The following RNGTT variants were observed in gnomAD, a reference collection of about 807,000 sequenced individuals.
The protein encoded by RNGTT is mRNA-capping enzyme.
Under a neutral mutation model 79.3 loss-of-function variants are expected in RNGTT, and 33 were observed. That is an observed-to-expected ratio of 0.42 (90% CI 0.32 to 0.56). The LOEUF (loss-of-function observed/expected upper bound fraction) is 0.56, where lower values mean the gene tolerates loss of function less well. Ranked by LOEUF, RNGTT falls within the 20% of genes least tolerant of loss-of-function variation. The pLI is 0.17. For synonymous variants in RNGTT, 222 were observed against 235.9 expected (o/e 0.94, Z 0.54); for missense variants, 497 against 739.1 (o/e 0.67, Z 3.80).
intron 13 of RNGTT, among the ~76,000 whole-genome samples, chr6:88,687,774 A>C (rs1775332160): frequency 6.6e-6 from 1 of 152,202 alleles, no homozygotes; most frequent in South Asian, 2.1e-4. Flanking sequence ...AGGAAGGCTA[A>C]AACAGAAACT....
chr6:88,734,536 G>A (rs1019481553), intron 13 of RNGTT, among the ~76,000 whole-genome samples: 2 of 151,978 alleles, frequency 1.3e-5, no homozygotes, highest in African/African-American at 4.8e-5. Flanking sequence ...GACTGTCAGA[G>A]AAGATTTTTT....
At chr6:88,836,007 CACACACACACACACACAT>C (rs1207501864) in intron 11 of RNGTT, among the ~76,000 whole-genome samples, 26 of 121,694 alleles carry the variant, frequency 2.1e-4, no homozygotes, top group Middle Eastern at 4.2e-3. Context: ...CACACACACA[CACACACACACACACACAT>C]ATATATATAA....
intron 14 of RNGTT, among the ~76,000 whole-genome samples, chr6:88,660,012 CAAAAT>C (rs1487188020): frequency 6.6e-6 from 1 of 152,070 alleles, no homozygotes; most frequent in East Asian, 1.9e-4. Context: ...TCTCCTGAAA[CAAAAT>C]AACTGTCAGG....
At chr6:88,932,352 C>A (rs9359829) in intron 2 of RNGTT, among the ~76,000 whole-genome samples, 47,528 of 152,000 alleles carry the variant, frequency 0.31, 9,962 homozygotes, top group African/African-American at 0.6. Flanking sequence ...AGGGAACTTC[C>A]TTAGTAATTC....
chr6:88,792,288 A>G (rs1779448357), intron 12 of RNGTT, among the ~76,000 whole-genome samples: 1 of 152,206 alleles, frequency 6.6e-6, no homozygotes, highest in South Asian at 2.1e-4. Flanking sequence ...ACATCTGTCT[A>G]TAATCAACTC....
intron 12 of RNGTT, among the ~76,000 whole-genome samples, chr6:88,799,872 C>T (rs952056155): frequency 6.6e-6 from 1 of 152,052 alleles, no homozygotes; most frequent in Non-Finnish European, 1.5e-5. Flanking sequence ...CTGAAATTTT[C>T]TGAATTTATT....
chr6:88,652,652 C>G (rs561976759), intron 14 of RNGTT, among the ~76,000 whole-genome samples: 33 of 152,226 alleles, frequency 2.2e-4, no homozygotes, highest in Non-Finnish European at 3.7e-4. Context: ...TTTGTTAGTG[C>G]TCTTTGGGGT....
At chr6:88,913,215 A>AAAAC (rs1491501901) in intron 4 of RNGTT, among the ~76,000 whole-genome samples, 23 of 111,098 alleles carry the variant, frequency 2.1e-4, no homozygotes, top group African/African-American at 1.5e-3. Context: ...AAAAAAAAAC[A>AAAAC]AAAAAAAAAA....
At chr6:88,927,686 T>A (rs1784365466) in intron 4 of RNGTT, among the ~76,000 whole-genome samples, 6 of 147,994 alleles carry the variant, frequency 4.1e-5, no homozygotes, top group Admixed American at 1.3e-4. Flanking sequence ...ATACAAAAAT[T>A]AGCAGGGTGT....
In RNGTT at chr6:88,941,076, G is replaced by T. The variant is rs749372116; in HGVS notation, c.169C>A (p.Leu57Ile). ...PSMLSNYLKS[L>I]KVKMGLLVDL... ...AAATAAATTTTGTTTCTTACCTTTA[G>T]GCTCTTTAGGTAATTTGAGAGCATG... Residue 57 changes from leucine (L) to isoleucine (I), a missense_variant, in exon 2 of 16, where the codon CTA becomes ATA. Around this residue, in one of 3 missense-constraint regions of RNGTT, gnomAD observed 440 missense variants for 671.5 expected, o/e 0.66. Coordinates refer to ENST00000369485, the MANE Select transcript of RNGTT (RefSeq NM_003800.5). 1.3e-6 allele frequency: 2 copies of T among 1,593,828 alleles called. No individual in the cohort carries two copies. The highest frequency in any genetic ancestry group is 4.5e-5 in the East Asian group (2 of 44,694).
chr6:88,791,760 C>T (rs190558747), intron 12 of RNGTT, among the ~76,000 whole-genome samples: 183 of 152,070 alleles, frequency 1.2e-3, no homozygotes, highest in African/African-American at 3.9e-3. Flanking sequence ...AGGATGGTCT[C>T]GATCTCCTGA....
chr6:88,805,768 T>C (rs546392345), intron 11 of RNGTT, among the ~76,000 whole-genome samples: 2 of 152,250 alleles, frequency 1.3e-5, no homozygotes, highest in East Asian at 3.9e-4. Flanking sequence ...AAGAAACAGT[T>C]GTTTACATAT....
At chr6:88,643,042 T>C (rs1332932408) in intron 14 of RNGTT, among the ~76,000 whole-genome samples, 3 of 152,070 alleles carry the variant, frequency 2.0e-5, no homozygotes, top group East Asian at 1.9e-4. Flanking sequence ...CCACTGTAAG[T>C]TGAAAATATC....
intron 11 of RNGTT, among the ~76,000 whole-genome samples, chr6:88,840,515 GCCT>G (rs1478908128): frequency 6.6e-6 from 1 of 152,036 alleles, no homozygotes; most frequent in Non-Finnish European, 1.5e-5. Context: ...TTCCACCTCC[GCCT>G]CCTGAATAGC....
intron 4 of RNGTT, among the ~76,000 whole-genome samples, chr6:88,911,324 G>A (rs1299184314): frequency 1.3e-5 from 2 of 152,108 alleles, no homozygotes; most frequent in East Asian, 3.9e-4. Flanking sequence ...AAAAGAGCAG[G>A]GGTTGCTATT....
chr6:88,901,794 G>C (rs1298730603), intron 6 of RNGTT, among the ~76,000 whole-genome samples: 2 of 152,056 alleles, frequency 1.3e-5, no homozygotes, highest in East Asian at 3.8e-4. Context: ...ACTGCGCCCA[G>C]CTAACCACCC....
chr6:88,850,395 C>CA (rs1460646539), intron 9 of RNGTT, among the ~76,000 whole-genome samples: 2 of 150,478 alleles, frequency 1.3e-5, no homozygotes, highest in African/African-American at 2.4e-5. Flanking sequence ...ATTAAAAAGT[C>CA]AAAAAAAATG....
At chr6:88,642,351 A>T (rs1582268315) in intron 14 of RNGTT, among the ~76,000 whole-genome samples, 1 of 152,316 alleles carries the variant, frequency 6.6e-6, no homozygotes, top group East Asian at 1.9e-4. Flanking sequence ...ATGTTATATA[A>T]ATTACAGAAC....
In RNGTT at chr6:88,610,732, G is replaced by GTGTA. The variant is rs1771991338; in HGVS notation, c.*1983_*1986dup. On this transcript the variant is annotated 3_prime_UTR_variant, in exon 16 of 16. Coordinates refer to ENST00000369485, the MANE Select transcript of RNGTT (RefSeq NM_003800.5). ...ACAAAGACTTGAAGAAAATATCTGG[G>GTGTA]TGTATTAAAAGTGAGATGCTCTTTT... The GTGTA allele has an allele frequency of 6.6e-6, 1 of 152,164 alleles. No homozygotes were observed. The highest frequency in any genetic ancestry group is 2.4e-5 in the African/African-American group (1 of 41,432). 9.4% of individuals were successfully genotyped at this position (152,164 alleles called of 1,614,324 possible).
Sources: gnomAD v4.1 joint callset for allele counts (sites outside exome capture counted in the v4.1 genomes callset) on GRCh38, gnomAD v4.1.1 for gene constraint, gnomAD v4.1.1 regional missense constraint, MANE v1.5 for transcripts, NCBI Gene and HGNC (gene_info 2026-07-23, HGNC 2026-07-21) for gene names.